The following PRIM2 variants were observed in gnomAD, a reference collection of about 807,000 sequenced individuals.
PRIM2 encodes DNA primase large subunit.
PRIM2 carries 39 observed loss-of-function variants against 67.3 expected under a neutral mutation model. That is an observed-to-expected ratio of 0.58 (90% CI 0.45 to 0.76). The LOEUF (loss-of-function observed/expected upper bound fraction) is 0.76. PRIM2 is among the 30% of genes least tolerant of loss of function. The pLI is 0.00. For synonymous variants in PRIM2, 143 were observed against 198.7 expected, an observed-to-expected ratio of 0.72 and a Z score of 2.36; for missense variants, 398 against 598.7, an observed-to-expected ratio of 0.66 and a Z score of 3.50.
chr6:57,555,865 C>T (rs1775505029), intron 10 of PRIM2, among the ~76,000 whole-genome samples: 1 of 152,178 alleles, frequency 6.6e-6, no homozygotes, highest in South Asian at 2.1e-4. Flanking sequence ...ATTAATTATT[C>T]TACTTGAGCC....
chr6:57,386,417 CA>C (rs71299586), intron 7 of PRIM2, among the ~76,000 whole-genome samples: 5,783 of 53,966 alleles, frequency 0.11, 178 homozygotes, highest in African/African-American at 0.2. Flanking sequence ...TACCCTGTCT[CA>C]AAAAAAAAAA....
intron 10 of PRIM2, among the ~76,000 whole-genome samples, chr6:57,560,259 CTCTT>C: frequency 6.6e-6 from 1 of 151,612 alleles, no homozygotes; most frequent in South Asian, 2.1e-4. Context: ...TGAGAAGCAA[CTCTT>C]TATCCACTAA....
upstream of PRIM2, among the ~76,000 whole-genome samples, chr6:57,311,383 C>G (rs1317688174): frequency 6.6e-6 from 1 of 151,100 alleles, no homozygotes; most frequent in Non-Finnish European, 1.5e-5. Flanking sequence ...GCACTCCTCA[C>G]TTCCCAGAGG....
intron 7 of PRIM2, among the ~76,000 whole-genome samples, chr6:57,460,501 C>T (rs1195060085): frequency 5.9e-5 from 9 of 151,786 alleles, no homozygotes; most frequent in African/African-American, 2.2e-4. Context: ...TGTCTTTAGC[C>T]AGTTAAATAT....
chr6:57,266,557 G>A, the PRIM2 span, among the ~76,000 whole-genome samples: 3 of 152,088 alleles, frequency 2.0e-5, no homozygotes, highest in Non-Finnish European at 4.4e-5. Context: ...AACATATAGC[G>A]CAGATTTCAT....
chr6:57,569,842 G>A (rs1775828051), intron 10 of PRIM2, among the ~76,000 whole-genome samples: 1 of 151,916 alleles, frequency 6.6e-6, no homozygotes, highest in Admixed American at 6.6e-5. Flanking sequence ...TGCTTCCCAG[G>A]TTCAGGCTAT....
chr6:57,237,549 G>A, the PRIM2 span, among the ~76,000 whole-genome samples: 1 of 152,108 alleles, frequency 6.6e-6, no homozygotes, highest in African/African-American at 2.4e-5. Context: ...ATGGTTTTAG[G>A]TCTAACATGT....
At chr6:57,589,500 A>G (rs1776248888) in intron 10 of PRIM2, among the ~76,000 whole-genome samples, 3 of 152,246 alleles carry the variant, frequency 2.0e-5, no homozygotes, top group Admixed American at 2.0e-4. Flanking sequence ...TGAGAGCTCT[A>G]GGAACTTTAC....
upstream of PRIM2, among the ~76,000 whole-genome samples, chr6:57,311,248 T>TCACCTCCCGGACGGGGCGG (rs1767382379): frequency 5.9e-5 from 1 of 17,070 alleles, no homozygotes; most frequent in African/African-American, 2.2e-4. Context: ...GGACGGGGCA[T>TCACCTCCCGGACGGGGCGG]CCGGGCAGAG....
At chr6:57,291,040 T>G in the PRIM2 span, among the ~76,000 whole-genome samples, 1 of 151,870 alleles carries the variant, frequency 6.6e-6, no homozygotes, top group Admixed American at 6.6e-5. Flanking sequence ...AAAAAACCCT[T>G]CAAAAAATCA....
intron 7 of PRIM2, among the ~76,000 whole-genome samples, chr6:57,425,869 G>A (rs73752141): frequency 1.3e-5 from 2 of 151,994 alleles, no homozygotes; most frequent in African/African-American, 4.8e-5. Flanking sequence ...GTAAAAATAG[G>A]TGGAAACTCA....
the PRIM2 span, among the ~76,000 whole-genome samples, chr6:57,273,476 A>G: frequency 6.6e-6 from 1 of 152,216 alleles, no homozygotes; most frequent in Non-Finnish European, 1.5e-5. Context: ...TTTCAGCTCC[A>G]TCACATCCTT....
rs1364570067 is a variant in PRIM2, at chr6:57,338,418, G to T, written c.459+12373G>T. On this transcript the variant is annotated intron_variant, in intron 5 of 13. Transcript: ENST00000615550. ...GAGACACAACCAAAAAAGAGAATTT[G>T]AGACCAATATCCTTGATGAACATTG... Among the ~76,000 whole-genome samples the T allele has an allele frequency of 5.8e-3, 875 of 151,610 alleles. 10 individuals carry two copies. Among genetic ancestry groups the T allele is most frequent in the East Asian group, 0.027 (137 of 5,096 alleles).
intron 10 of PRIM2, among the ~76,000 whole-genome samples, chr6:57,582,142 A>C (rs1776097249): frequency 1.3e-5 from 2 of 152,048 alleles, no homozygotes; most frequent in African/African-American, 2.4e-5. Context: ...TTTTTTTCTA[A>C]CTCACTTAGA....
chr6:57,360,995 G>A (rs1290284786), intron 5 of PRIM2, among the ~76,000 whole-genome samples: 2 of 151,996 alleles, frequency 1.3e-5, no homozygotes, highest in Admixed American at 1.3e-4. Flanking sequence ...ATTTAGGTAG[G>A]GTAGGAGAAC....
intron 13 of PRIM2, among the ~76,000 whole-genome samples, chr6:57,640,673 G>T (rs1441030101): frequency 1.3e-5 from 2 of 152,124 alleles, no homozygotes; most frequent in Non-Finnish European, 2.9e-5. Flanking sequence ...ACTTCCAAGG[G>T]ATGTGAAGGA....
chr6:57,441,734 C>T (rs2127385230), intron 7 of PRIM2, among the ~76,000 whole-genome samples: 1 of 152,220 alleles, frequency 6.6e-6, no homozygotes, highest in Admixed American at 6.5e-5. Flanking sequence ...TTTGTTAATG[C>T]CCAAGTCAGC....
At chr6:57,562,371 G>A (rs1775650455) in intron 10 of PRIM2, among the ~76,000 whole-genome samples, 2 of 152,156 alleles carry the variant, frequency 1.3e-5, no homozygotes, top group Non-Finnish European at 2.9e-5. Context: ...AATGAAATGG[G>A]CACAATAAGA....
chr6:57,610,270 G>C (rs1776643899), intron 12 of PRIM2, among the ~76,000 whole-genome samples: 3 of 152,164 alleles, frequency 2.0e-5, no homozygotes, highest in Admixed American at 1.3e-4. Flanking sequence ...GTTTCACCAT[G>C]TTGGCCAGGC....
Sources: gnomAD v4.1 joint callset for allele counts (sites outside exome capture counted in the v4.1 genomes callset) on GRCh38, gnomAD v4.1.1 for gene constraint, MANE v1.5 for transcripts, NCBI Gene and HGNC (gene_info 2026-07-23, HGNC 2026-07-21) for gene names.